RBFOX1: variants seen among roughly 807,000 people sequenced by gnomAD.
The protein encoded by RBFOX1 is RNA binding protein fox-1 homolog 1.
In RBFOX1, 8 loss-of-function variants were observed where a neutral mutation model predicts 57.7. That is an observed-to-expected ratio of 0.14 (90% confidence interval 0.08 to 0.25). RBFOX1 has a LOEUF of 0.25. Among genes scored for constraint, RBFOX1 ranks in the 10% least tolerant of loss-of-function variants. The probability of loss-of-function intolerance (pLI) is 1.00; values close to 1 mark genes in which losing one functional copy is unlikely to be tolerated. For missense variants in RBFOX1, 611 were observed against 548.5 expected (o/e 1.11, Z -1.14); for synonymous variants, 326 against 222.4 (o/e 1.47, Z -4.15).
At position 7,138,082 on chromosome 16, in the gene RBFOX1, G is replaced by C. The variant is rs1012100476; in HGVS notation, c.27+85984G>C. Among the ~76,000 whole-genome samples, 5 of 152,188 alleles carry C rather than the reference G, an allele frequency of 3.3e-5. 1 individual carries two copies. The highest frequency in any genetic ancestry group is 1.2e-4 in the African/African-American group (5 of 41,458). On this transcript the variant is annotated intron_variant, in intron 4 of 15. Coordinates refer to ENST00000550418, the MANE Select transcript of RBFOX1 (RefSeq NM_018723.4). ...TTAAGAATGAAGCAATGTTTGGAGA[G>C]AATGGTGACTCAGAGATTCGTATCA...
chr16:6,095,749 G>T (rs1294306137), intron 1 of RBFOX1, among the ~76,000 whole-genome samples: 2 of 152,046 alleles, frequency 1.3e-5, no homozygotes, highest in Non-Finnish European at 2.9e-5. Context: ...AGCAGAGAAA[G>T]TCCAAAACTG....
At chr16:5,619,465 A>G (rs909858972) in intron 3 of RBFOX1, among the ~76,000 whole-genome samples, 3 of 151,852 alleles carry the variant, frequency 2.0e-5, no homozygotes, top group African/African-American at 7.3e-5. Context: ...TCTCGCCCCA[A>G]CCCCGAGACT....
chr16:6,152,773 C>T (rs190253569), intron 1 of RBFOX1, among the ~76,000 whole-genome samples: 1 of 152,138 alleles, frequency 6.6e-6, no homozygotes, highest in Non-Finnish European at 1.5e-5. Flanking sequence ...AGAAAACAGA[C>T]CCCAGAGAGC....
At position 5,256,541 on chromosome 16, in the gene RBFOX1, A is replaced by G. The variant is rs527560650; in HGVS notation, c.219+16436A>G. Among the ~76,000 whole-genome samples, 10 of 152,306 alleles carry G rather than the reference A, an allele frequency of 6.6e-5. No homozygotes were observed. In the South Asian group the frequency reaches 2.1e-3, roughly 32 times the overall value. ...GATGGCAGATGAGAGCTCTTTGAAA[A>G]TGAAAACATTCTGCTATTTGAATGC... On this transcript the variant is annotated intron_variant, in intron 1 of 2. Transcript: ENST00000585867.
chr16:5,847,277 A>G (rs2056780803), intron 3 of RBFOX1, among the ~76,000 whole-genome samples: 1 of 151,098 alleles, frequency 6.6e-6, no homozygotes, highest in South Asian at 2.1e-4. Context: ...GGGAACATGC[A>G]GGACTTGGAT....
At chr16:6,754,090 C>A (rs754267436) in intron 3 of RBFOX1, among the ~76,000 whole-genome samples, 1 of 152,126 alleles carries the variant, frequency 6.6e-6, no homozygotes, top group Non-Finnish European at 1.5e-5. Context: ...CATAATTTTA[C>A]CTAAGTATTT....
intron 4 of RBFOX1, among the ~76,000 whole-genome samples, chr16:5,912,605 TG>T (rs1209270085): frequency 1.3e-5 from 2 of 152,358 alleles, no homozygotes; most frequent in East Asian, 1.9e-4. Context: ...GGTAGGCATC[TG>T]GCAAAACACC....
At chr16:6,792,839 G>A (rs1392573257) in intron 3 of RBFOX1, among the ~76,000 whole-genome samples, 1 of 152,074 alleles carries the variant, frequency 6.6e-6, no homozygotes, top group East Asian at 1.9e-4. Flanking sequence ...GACCAGCCTG[G>A]ACAAGATGGT....
chr16:6,754,022 G>C (rs2075385224), intron 3 of RBFOX1, among the ~76,000 whole-genome samples: 1 of 151,978 alleles, frequency 6.6e-6, no homozygotes, highest in Non-Finnish European at 1.5e-5. Flanking sequence ...CCCAACTCTT[G>C]CTGAGTAGTT....
Position 7,712,604 on chromosome 16 carries a change from C to G in RBFOX1, c.*1859C>G, listed in dbSNP as rs2084166954. The stretch of plus-strand genomic sequence containing the variant: ...ATCAGCCAAAAGCATATAAAGTGTT[C>G]TTTTCACCAGACTTCTTTGGGTGGG... On this transcript the variant is annotated 3_prime_UTR_variant, in exon 16 of 16. Transcript: ENST00000550418. 1 of 152,396 alleles carries G rather than the reference C, an allele frequency of 6.6e-6. No homozygotes were observed. The highest frequency in any genetic ancestry group is 6.6e-5 in the Admixed American group (1 of 15,256). 9.4% of individuals were successfully genotyped at this position (152,396 alleles called of 1,614,324 possible).
rs112911372 is a variant in RBFOX1 at position 5,299,486 on chromosome 16, G to A, written c.219+59381G>A. ...TTGCTGAGACATAGGGTAGATGTGT[G>A]TTTAACTTCATGAGAAACTGTTAAA... On this transcript the variant is annotated intron_variant, in intron 1 of 2. Coordinates refer to the RBFOX1 transcript ENST00000585867. 1.2e-3 allele frequency among the ~76,000 whole-genome samples: 182 copies of A among 152,334 alleles called. 2 individuals carry two copies. Among genetic ancestry groups the A allele is most frequent in the African/African-American group, 4.1e-3 (172 of 41,558 alleles).
intron 4 of RBFOX1, among the ~76,000 whole-genome samples, chr16:7,170,258 C>T (rs2080420947): frequency 6.6e-6 from 1 of 152,112 alleles, no homozygotes; most frequent in African/African-American, 2.4e-5. Context: ...TCCTCCTGCT[C>T]CTCACCACTG....
chr16:5,941,531 A>G (rs1030115469), intron 4 of RBFOX1, among the ~76,000 whole-genome samples: 10 of 152,136 alleles, frequency 6.6e-5, no homozygotes, highest in South Asian at 2.1e-4. Context: ...AAAATATACT[A>G]ATATTTACTG....
intron 3 of RBFOX1, among the ~76,000 whole-genome samples, chr16:7,033,883 T>C (rs965391137): frequency 6.6e-6 from 1 of 152,146 alleles, no homozygotes; most frequent in Non-Finnish European, 1.5e-5. Flanking sequence ...GCAGGAGGAT[T>C]ATTTGAGCCT....
chr16:7,035,627 G>C (rs1207123266), intron 3 of RBFOX1, among the ~76,000 whole-genome samples: 1 of 152,092 alleles, frequency 6.6e-6, no homozygotes, highest in Non-Finnish European at 1.5e-5. Context: ...AATCTGAAGA[G>C]CTCTCTGAGC....
At chr16:7,350,126 G>A (rs1046751830) in intron 4 of RBFOX1, among the ~76,000 whole-genome samples, 3 of 152,042 alleles carry the variant, frequency 2.0e-5, no homozygotes, top group Admixed American at 6.6e-5. Context: ...CAGCTTGGGC[G>A]ACAGAGCCAA....
At chr16:6,904,918 A>C (rs2069445655) in intron 3 of RBFOX1, among the ~76,000 whole-genome samples, 1 of 152,194 alleles carries the variant, frequency 6.6e-6, no homozygotes, top group Non-Finnish European at 1.5e-5. Context: ...ATTCCCTCAG[A>C]CAACAAAACT....
At chr16:7,424,548 C>G (rs1278610294) in intron 4 of RBFOX1, among the ~76,000 whole-genome samples, 1 of 152,202 alleles carries the variant, frequency 6.6e-6, no homozygotes, top group East Asian at 1.9e-4. Flanking sequence ...GTGTGAACCA[C>G]CTCACCTGGC....
intron 4 of RBFOX1, among the ~76,000 whole-genome samples, chr16:5,994,515 C>T (rs899739709): frequency 1.3e-5 from 2 of 152,136 alleles, no homozygotes; most frequent in African/African-American, 2.4e-5. Flanking sequence ...GTCCTGGTAC[C>T]ACAATTTTAG....
Sources: allele counts gnomAD v4.1 joint callset (sites outside exome capture counted in the v4.1 genomes callset), GRCh38; gene constraint gnomAD v4.1.1; transcripts MANE v1.5; gene names NCBI Gene and HGNC (gene_info 2026-07-23, HGNC 2026-07-21).